Variants in TLK1 observed in about 807,000 individuals in gnomAD.
TLK1 encodes serine/threonine-protein kinase tousled-like 1.
In TLK1, 24 loss-of-function variants were observed where a neutral mutation model predicts 105.3. The observed-to-expected ratio is 0.23, with a 90% CI of 0.17 to 0.32. The LOEUF (loss-of-function observed/expected upper bound fraction) is 0.32. Among genes scored for constraint, TLK1 ranks in the 10% least tolerant of loss-of-function variants. TLK1 has a pLI of 1.00. For missense variants in TLK1, 558 were observed against 910.5 expected (o/e 0.61, Z 4.98); for synonymous variants, 321 against 310.4 (o/e 1.03, Z -0.36).
chr2:171,127,682 T>C (rs1033563987), intron 1 of TLK1, among the ~76,000 whole-genome samples: 1 of 152,144 alleles, frequency 6.6e-6, no homozygotes, highest in African/African-American at 2.4e-5. Flanking sequence ...TATATATAGA[T>C]ATATATCTAA....
At chr2:171,181,014 T>C (rs1692920427) in intron 1 of TLK1, among the ~76,000 whole-genome samples, 1 of 152,174 alleles carries the variant, frequency 6.6e-6, no homozygotes, top group Non-Finnish European at 1.5e-5. Flanking sequence ...GTAAAAAGCT[T>C]TGAGCACAAG....
intron 11 of TLK1, among the ~76,000 whole-genome samples, chr2:171,033,732 ACAC>A (rs904138090): frequency 6.6e-5 from 10 of 150,398 alleles, no homozygotes; most frequent in African/African-American, 1.9e-4. Flanking sequence ...AAGTAGGCAA[ACAC>A]CACAATTACT....
Position 171,195,376 on chromosome 2 carries a change from G to A in TLK1, c.-6+35769C>T, listed in dbSNP as rs188689164. Among the ~76,000 whole-genome samples the A allele has an allele frequency of 4.9e-3, 741 of 151,866 alleles. 9 individuals carry two copies. The highest frequency in any genetic ancestry group is 0.01 in the South Asian group (49 of 4,792). On this transcript the variant is annotated intron_variant, in intron 1 of 20. Coordinates refer to the TLK1 transcript ENST00000521943. ...AAATTAGCCGGGCATGGTGGTGGGCGCCTGTAGTCCCAGCTACTCCGGAGG... is the reference window on the plus strand; with the variant it reads ...AAATTAGCCGGGCATGGTGGTGGGCACCTGTAGTCCCAGCTACTCCGGAGG...
chr2:171,024,034 G>A (rs2105386621), intron 12 of TLK1, among the ~76,000 whole-genome samples: 1 of 152,208 alleles, frequency 6.6e-6, no homozygotes, highest in African/African-American at 2.4e-5. Flanking sequence ...TAGAAGCTTT[G>A]CCTCAAATTA....
intron 2 of TLK1, among the ~76,000 whole-genome samples, chr2:171,116,487 G>C (rs1475846130): frequency 6.6e-6 from 1 of 152,096 alleles, no homozygotes; most frequent in Non-Finnish European, 1.5e-5. Context: ...GATCACCTGA[G>C]GTCAGGAGTT....
chr2:171,042,187 C>T (rs1427698660), intron 11 of TLK1, among the ~76,000 whole-genome samples: 1 of 152,100 alleles, frequency 6.6e-6, no homozygotes, highest in Non-Finnish European at 1.5e-5. Context: ...AAACAAAATA[C>T]CTGTGACAAA....
intron 1 of TLK1, among the ~76,000 whole-genome samples, chr2:171,158,963 C>A: frequency 6.6e-6 from 1 of 152,230 alleles, no homozygotes; most frequent in East Asian, 1.9e-4. Flanking sequence ...AGAGCATATT[C>A]ATGCCAATCT....
At chr2:171,188,961 A>G (rs1693091546) in intron 1 of TLK1, among the ~76,000 whole-genome samples, 1 of 151,988 alleles carries the variant, frequency 6.6e-6, no homozygotes, top group Non-Finnish European at 1.5e-5. Context: ...ATTACAACAG[A>G]CTCATTTACA....
chr2:171,191,356 G>A (rs1023050775), intron 1 of TLK1, among the ~76,000 whole-genome samples: 3 of 150,318 alleles, frequency 2.0e-5, no homozygotes, highest in African/African-American at 5.0e-5. Context: ...TTCACTTGAG[G>A]CCAAGAGTTC....
intron 2 of TLK1, among the ~76,000 whole-genome samples, chr2:171,085,832 C>T (rs1176891861): frequency 6.6e-6 from 1 of 152,116 alleles, no homozygotes; most frequent in African/African-American, 2.4e-5. Context: ...ATGATAATGA[C>T]AAGGGAGAGG....
intron 1 of TLK1, among the ~76,000 whole-genome samples, chr2:171,229,050 A>G (rs765412390): frequency 1.3e-5 from 2 of 152,194 alleles, no homozygotes; most frequent in Non-Finnish European, 2.9e-5. Context: ...TGCGTGTCCT[A>G]TAAGACACAC....
chr2:171,010,044 A>C (rs1684832729), intron 14 of TLK1, among the ~76,000 whole-genome samples: 1 of 152,220 alleles, frequency 6.6e-6, no homozygotes, highest in Non-Finnish European at 1.5e-5. Context: ...TTTTATAAAA[A>C]GTTCACTCTA....
intron 18 of TLK1, among the ~76,000 whole-genome samples, chr2:171,001,517 G>A (rs1374627286): frequency 1.3e-5 from 2 of 152,158 alleles, no homozygotes; most frequent in Non-Finnish European, 2.9e-5. Flanking sequence ...CTGGCAGCTG[G>A]TATTTATCTT....
At chr2:171,037,441 C>CAA (rs34547550) in intron 11 of TLK1, among the ~76,000 whole-genome samples, 1,300 of 118,402 alleles carry the variant, frequency 0.011, 70 homozygotes, top group Admixed American at 0.083. Flanking sequence ...AACTCCGTCT[C>CAA]AAAAAAAAAA....
At chr2:171,179,792 T>C (rs1200795333) in intron 1 of TLK1, among the ~76,000 whole-genome samples, 2 of 151,922 alleles carry the variant, frequency 1.3e-5, no homozygotes, top group Non-Finnish European at 2.9e-5. Context: ...ACCCCGTCTC[T>C]ACTAAAAACA....
At chr2:171,132,280 G>A (rs1323345124) in intron 1 of TLK1, among the ~76,000 whole-genome samples, 2 of 152,070 alleles carry the variant, frequency 1.3e-5, no homozygotes, top group Non-Finnish European at 2.9e-5. Flanking sequence ...ATCGGGAGGA[G>A]ACCCAGCATG....
intron 2 of TLK1, among the ~76,000 whole-genome samples, chr2:171,115,455 G>A (rs980132578): frequency 2.0e-5 from 3 of 152,206 alleles, no homozygotes; most frequent in Non-Finnish European, 1.5e-5. Context: ...TTACAGGCGT[G>A]AGCAACCGTG....
At chr2:171,074,285 A>C (rs1688398451) in intron 3 of TLK1, among the ~76,000 whole-genome samples, 1 of 152,016 alleles carries the variant, frequency 6.6e-6, no homozygotes, top group Admixed American at 6.6e-5. Context: ...ATATTTGTTC[A>C]TTGTATACAG....
At chr2:171,079,149 G>A (rs1176333343) in intron 3 of TLK1, among the ~76,000 whole-genome samples, 2 of 152,130 alleles carry the variant, frequency 1.3e-5, no homozygotes, top group South Asian at 2.1e-4. Context: ...TAAACCAAAC[G>A]ACTTGTCATA....
Sources: allele counts gnomAD v4.1 joint callset (sites outside exome capture counted in the v4.1 genomes callset), GRCh38; gene constraint gnomAD v4.1.1; transcripts MANE v1.5; gene names NCBI Gene and HGNC (gene_info 2026-07-23, HGNC 2026-07-21).